FGF7: variants seen among roughly 807,000 people sequenced by gnomAD.
The protein encoded by FGF7 is fibroblast growth factor 7.
Under a neutral mutation model 20.5 loss-of-function variants are expected in FGF7, and 6 were observed. The observed-to-expected ratio is 0.29, with a 90% CI of 0.16 to 0.58. The LOEUF (loss-of-function observed/expected upper bound fraction) is 0.58. Among genes scored for constraint, FGF7 ranks in the 20% least tolerant of loss-of-function variants. The pLI, the probability that FGF7 is intolerant of heterozygous loss-of-function variation, is 0.90. For synonymous variants in FGF7, 64 were observed against 74.7 expected (o/e 0.86, Z 0.74); for missense variants, 144 against 228.8 (o/e 0.63, Z 2.39).
chr15:49,429,017 G>GTC (rs145385789), intron 2 of FGF7, among the ~76,000 whole-genome samples: 3,712 of 152,068 alleles, frequency 0.024, 118 homozygotes, highest in South Asian at 0.16. Context: ...TAACAATAAT[G>GTC]TGTTAGAAGC....
intron 2 of FGF7, among the ~76,000 whole-genome samples, chr15:49,451,034 G>T (rs566447954): frequency 2.2e-4 from 34 of 151,260 alleles, no homozygotes; most frequent in East Asian, 7.8e-4. Context: ...CTAAAAACTG[G>T]TTTTTTTTTA....
chr15:49,462,243 A>C (rs2053866515), intron 2 of FGF7, among the ~76,000 whole-genome samples: 1 of 152,214 alleles, frequency 6.6e-6, no homozygotes, highest in South Asian at 2.1e-4. Context: ...TTGTACTTTA[A>C]TCATATATGA....
chr15:49,441,356 T>G (rs1033512267), intron 2 of FGF7, among the ~76,000 whole-genome samples: 4 of 151,784 alleles, frequency 2.6e-5, no homozygotes, highest in African/African-American at 9.7e-5. Flanking sequence ...ACATATGTCT[T>G]GGATTCAGCC....
rs1441855423 is a variant in FGF7 at position 49,487,184 on chromosome 15, T to C, written c.*2680T>C. 6.6e-6 allele frequency: 1 copy of C among 151,850 alleles called. No homozygotes were observed. The highest frequency in any genetic ancestry group is 1.5e-5 in the Non-Finnish European group (1 of 67,836). 9.4% of individuals were successfully genotyped at this position (151,850 alleles called of 1,614,324 possible). A position where few individuals can be genotyped will look rare whatever the true frequency, so the allele number is the denominator to read the frequency against. On this transcript the variant is annotated 3_prime_UTR_variant, in exon 4 of 4. Transcript: ENST00000267843. ...TTTGACTCAAAAGGAGAAAAGAAAT[T>C]ATGTAGTTTTCAATTCTGATTCCTA...
intron 2 of FGF7, among the ~76,000 whole-genome samples, chr15:49,463,529 C>T (rs1361009197): frequency 4.2e-5 from 6 of 144,552 alleles, no homozygotes; most frequent in East Asian, 4.0e-4. Context: ...CCAGCCTAGG[C>T]GACACAGTGA....
At chr15:49,437,734 T>G (rs1347185355) in intron 2 of FGF7, among the ~76,000 whole-genome samples, 1 of 151,728 alleles carries the variant, frequency 6.6e-6, no homozygotes, top group African/African-American at 2.4e-5. Flanking sequence ...TTACGTATTA[T>G]GTACTGTGTA....
chr15:49,436,896 T>C (rs1255876374), intron 2 of FGF7, among the ~76,000 whole-genome samples: 2 of 151,644 alleles, frequency 1.3e-5, no homozygotes, highest in Non-Finnish European at 3.0e-5. Context: ...CTCTGTAATA[T>C]GACCTAATGA....
At chr15:49,483,118 A>G in intron 2 of FGF7, 33 bp from the exon 3 acceptor site, 1 of 1,176,488 alleles carries the variant, frequency 8.5e-7, no homozygotes, top group Non-Finnish European at 1.3e-6. Context: ...AACTGAACGA[A>G]TATTTGACAT....
At position 49,487,127 on chromosome 15, in the gene FGF7, T is replaced by G. The variant is rs945227415; in HGVS notation, c.*2623T>G. On this transcript the variant is annotated 3_prime_UTR_variant, in exon 4 of 4. Coordinates refer to ENST00000267843, the MANE Select transcript of FGF7 (RefSeq NM_002009.4). ...TGTGACTATGTCTTGGCAATGCACTTCATACACAATGACTAATCTATACTG... is the reference window on the plus strand; with the variant it reads ...TGTGACTATGTCTTGGCAATGCACTGCATACACAATGACTAATCTATACTG... 9 of 151,916 alleles carry G rather than the reference T, an allele frequency of 5.9e-5. No individual in the cohort carries two copies. The highest frequency in any genetic ancestry group is 2.2e-4 in the African/African-American group (9 of 41,416). 9.4% of individuals were successfully genotyped at this position (151,916 alleles called of 1,614,324 possible).
Position 49,424,322 on chromosome 15 carries a change from AT to A in FGF7, c.26del (p.Ile9ThrfsTer16). On this transcript the variant is annotated frameshift_variant, in exon 2 of 4. Transcript: ENST00000267843. LOFTEE classifies it high-confidence loss of function. ...AATGCACAAATGGATACTGACATGG[AT>A]CCTGCCAACTTTGCTCTACAGATCA... The part of the protein sequence containing the change: MHKWILTW[I>X]LPTLLYRSCF... 3.1e-6 allele frequency: 5 copies of A among 1,613,548 alleles called. No homozygotes were observed. The highest frequency in any genetic ancestry group is 4.2e-6 in the Non-Finnish European group (5 of 1,179,600).
At chr15:49,474,051 A>G (rs1844468712) in intron 2 of FGF7, among the ~76,000 whole-genome samples, 1 of 152,156 alleles carries the variant, frequency 6.6e-6, no homozygotes, top group African/African-American at 2.4e-5. Flanking sequence ...TATTTTTGAT[A>G]GGCGAACTTT....
intron 2 of FGF7, chr15:49,425,104 A>C (rs1386520590): frequency 3.3e-5 from 5 of 152,112 alleles, no homozygotes; most frequent in African/African-American, 1.2e-4. Flanking sequence ...AATAGAAGGG[A>C]ATCTGTGGTA....
intron 2 of FGF7, among the ~76,000 whole-genome samples, chr15:49,479,091 T>C (rs1232681439): frequency 6.6e-6 from 1 of 152,010 alleles, no homozygotes; most frequent in African/African-American, 2.4e-5. Flanking sequence ...GGATAAAAAA[T>C]AGGGAAGCTA....
chr15:49,460,947 T>C (rs2053738201), intron 2 of FGF7, among the ~76,000 whole-genome samples: 1 of 152,220 alleles, frequency 6.6e-6, no homozygotes, highest in South Asian at 2.1e-4. Context: ...AATTCCACTA[T>C]GTCAAAGCTC....
intron 2 of FGF7, among the ~76,000 whole-genome samples, chr15:49,436,689 C>T (rs79404431): frequency 6.6e-6 from 1 of 151,380 alleles, no homozygotes; most frequent in Non-Finnish European, 1.5e-5. Context: ...AATTAAGTAA[C>T]TTGCTCTAGG....
Position 49,485,194 on chromosome 15 carries a change from C to G in FGF7, c.*690C>G, listed in dbSNP as rs1384461487. The G allele has an allele frequency of 2.0e-5, 3 of 152,394 alleles. No individual in the cohort carries two copies. In the East Asian group the frequency reaches 5.8e-4, roughly 29 times the overall value. 9.4% of individuals were successfully genotyped at this position (152,394 alleles called of 1,614,324 possible). ...TTGCTAAAAGGATGTTTCCAAAAAT[C>G]TTGTATATAAGATAGCAACAGTGAT... On this transcript the variant is annotated 3_prime_UTR_variant, in exon 4 of 4. Transcript: ENST00000267843.
chr15:49,479,054 G>C (rs949137829), intron 2 of FGF7, among the ~76,000 whole-genome samples: 1 of 152,100 alleles, frequency 6.6e-6, no homozygotes, highest in African/African-American at 2.4e-5. Context: ...AAAAGGTTTA[G>C]ATAAATTCAT....
chr15:49,446,334 T>C (rs2052209070), intron 2 of FGF7, among the ~76,000 whole-genome samples: 1 of 151,620 alleles, frequency 6.6e-6, no homozygotes, highest in Admixed American at 6.6e-5. Context: ...GCACCTTCGA[T>C]GTACAGGTGA....
chr15:49,464,974 T>C (rs2054132847), intron 2 of FGF7, among the ~76,000 whole-genome samples: 1 of 152,180 alleles, frequency 6.6e-6, no homozygotes. Context: ...AATAAACACC[T>C]TAACTAGTTT....
Sources: gnomAD v4.1 joint callset for allele counts (sites outside exome capture counted in the v4.1 genomes callset) on GRCh38, gnomAD v4.1.1 for gene constraint, MANE v1.5 for transcripts, NCBI Gene and HGNC (gene_info 2026-07-23, HGNC 2026-07-21) for gene names.